The following NFKB1 variants were observed in gnomAD, a reference collection of about 807,000 sequenced individuals.
NFKB1 encodes the protein nuclear factor NF-kappa-B p105 subunit.
Under a neutral mutation model 105.1 loss-of-function variants are expected in NFKB1, and 9 were observed. That is an observed-to-expected ratio of 0.09 (90% CI 0.05 to 0.15). NFKB1 has a LOEUF of 0.15. Among genes scored for constraint, NFKB1 ranks in the 10% least tolerant of loss-of-function variants. The pLI is 1.00. For synonymous variants in NFKB1, 440 were observed against 442.2 expected (o/e 1.00, Z 0.06); for missense variants, 830 against 1,203.7 (o/e 0.69, Z 4.59).
chr4:102,516,446 C>CT (rs1199652345), intron 1 of NFKB1, among the ~76,000 whole-genome samples: 1 of 151,964 alleles, frequency 6.6e-6, no homozygotes, highest in Non-Finnish European at 1.5e-5. Context: ...TTCTTTCTAC[C>CT]TTTTTTTCTC....
chr4:102,517,486 A>G (rs988763313), intron 1 of NFKB1, among the ~76,000 whole-genome samples: 7 of 152,306 alleles, frequency 4.6e-5, no homozygotes, highest in East Asian at 1.9e-4. Context: ...CAAAAAAACC[A>G]GTGTTTTCCA....
At chr4:102,547,420 T>C (rs1015250031) in intron 5 of NFKB1, among the ~76,000 whole-genome samples, 3 of 152,154 alleles carry the variant, frequency 2.0e-5, no homozygotes, top group African/African-American at 7.2e-5. Flanking sequence ...GGGGTGAGGT[T>C]TAGGTGGTTG....
rs80255810 is a variant in NFKB1, at chr4:102,606,996, G to A, written c.1955-154G>A. ...GTTCATGTCTCCTGAGAACATAATA[G>A]GAGACTGTGGGTCTTCAAAGCAGAA... On this transcript the variant is annotated intron_variant, in intron 17 of 23. Transcript: ENST00000226574. Among the ~76,000 whole-genome samples, 981 of 152,298 alleles carry A rather than the reference G, an allele frequency of 6.4e-3. 7 individuals are homozygous for A. The highest frequency in any genetic ancestry group is 0.021 in the African/African-American group (890 of 41,558).
chr4:102,555,119 G>T (rs954038812), intron 5 of NFKB1, among the ~76,000 whole-genome samples: 2 of 152,118 alleles, frequency 1.3e-5, no homozygotes, highest in African/African-American at 2.4e-5. Context: ...CTCAACTTTT[G>T]CTAGGACTTT....
intron 21 of NFKB1, 74 bp downstream of exon 21, chr4:102,612,184 T>C: frequency 7.4e-7 from 1 of 1,347,752 alleles, no homozygotes; most frequent in African/African-American, 1.4e-5. Context: ...GGAACCAGCA[T>C]TATCCAGGGT....
chr4:102,531,190 C>T (rs1741267811), intron 3 of NFKB1, among the ~76,000 whole-genome samples: 2 of 152,082 alleles, frequency 1.3e-5, no homozygotes. Flanking sequence ...AATTTTATTC[C>T]TTCGGATTTA....
chr4:102,593,619 A>G (rs1367794775), intron 12 of NFKB1, 51 bp downstream of exon 12: 2 of 1,548,222 alleles, frequency 1.3e-6, no homozygotes, highest in Non-Finnish European at 8.7e-7. Context: ...GAGAGGGTAG[A>G]ATTTTCTTTT....
intron 16 of NFKB1, among the ~76,000 whole-genome samples, chr4:102,604,257 T>A (rs1727478511): frequency 2.0e-5 from 3 of 152,210 alleles, no homozygotes; most frequent in Non-Finnish European, 4.4e-5. Flanking sequence ...ATATTAAATG[T>A]ACTTCTCTTG....
intron 12 of NFKB1, among the ~76,000 whole-genome samples, chr4:102,594,525 T>C (rs937818215): frequency 1.3e-5 from 2 of 152,294 alleles, no homozygotes; most frequent in South Asian, 2.1e-4. Context: ...CTGTGCTTTG[T>C]TTGATTAAGT....
chr4:102,596,266 G>T lies in NFKB1; in HGVS notation c.1429G>T (p.Val477Phe), dbSNP rs56147914. 1.2e-4 allele frequency: 188 copies of T among 1,613,704 alleles called. 1 individual carries two copies. The African/African-American group carries it at 2.1e-3, about 18-fold the overall frequency. ...AGATCAGGAGCCCAGCGAGGCCACC[G>T]TTGGGAATGGTGAGGTCACTCTAAC... The part of the protein sequence containing the change: ...EQDQEPSEAT[V>F]GNGEVTLTYA... The change falls in exon 14 of 24, where the codon GTT becomes TTT. Residue 477 changes from valine (V) to phenylalanine (F), a missense_variant. Transcript: ENST00000226574.
intron 1 of NFKB1, among the ~76,000 whole-genome samples, chr4:102,502,729 A>G (rs1739170276): frequency 6.6e-6 from 1 of 152,210 alleles, no homozygotes; most frequent in Non-Finnish European, 1.5e-5. Context: ...TTAATTATCA[A>G]GATTGACATG....
At chr4:102,534,762 A>G (rs566572103) in intron 4 of NFKB1, among the ~76,000 whole-genome samples, 1 of 152,302 alleles carries the variant, frequency 6.6e-6, no homozygotes, top group African/African-American at 2.4e-5. Flanking sequence ...ATTACCCAAT[A>G]CATTTTCTAA....
chr4:102,515,314 T>G (rs1372261357), intron 1 of NFKB1, among the ~76,000 whole-genome samples: 1 of 150,580 alleles, frequency 6.6e-6, no homozygotes, highest in Non-Finnish European at 1.5e-5. Context: ...GTTTCACCGT[T>G]TTAGCCGGGA....
At chr4:102,577,074 G>A (rs776627927) in intron 7 of NFKB1, 35 bp downstream of exon 7, 1 of 1,590,182 alleles carries the variant, frequency 6.3e-7, no homozygotes, top group East Asian at 2.2e-5. Flanking sequence ...ATCCTCCAAG[G>A]GGTCCAGGCT....
intron 1 of NFKB1, 105 bp from the exon 2 acceptor site, chr4:102,525,407 C>T (rs1256703964): frequency 1.2e-5 from 12 of 1,023,412 alleles, no homozygotes; most frequent in East Asian, 5.1e-5. Flanking sequence ...TATATTTGGT[C>T]TTACTGGTAT....
chr4:102,585,138 C>T (rs913106321), intron 11 of NFKB1, among the ~76,000 whole-genome samples: 2 of 152,096 alleles, frequency 1.3e-5, no homozygotes, highest in African/African-American at 4.8e-5. Flanking sequence ...AGTCCTCCGG[C>T]CTTGGCCTCC....
At chr4:102,510,337 A>G (rs1283807223) in intron 1 of NFKB1, among the ~76,000 whole-genome samples, 3 of 152,212 alleles carry the variant, frequency 2.0e-5, no homozygotes, top group Non-Finnish European at 2.9e-5. Flanking sequence ...ACCGAACAAG[A>G]TATCAAGAGA....
chr4:102,551,259 A>T (rs1722553018), intron 5 of NFKB1, among the ~76,000 whole-genome samples: 1 of 152,234 alleles, frequency 6.6e-6, no homozygotes, highest in African/African-American at 2.4e-5. Context: ...ATGGCACCAC[A>T]GCCAAGATAC....
chr4:102,613,817 TAATAC>T (rs1560724297), intron 23 of NFKB1, among the ~76,000 whole-genome samples: 1 of 152,190 alleles, frequency 6.6e-6, no homozygotes, highest in Non-Finnish European at 1.5e-5. Flanking sequence ...AAACACTAAA[TAATAC>T]AATAAATACT....
Sources: allele counts gnomAD v4.1 joint callset (sites outside exome capture counted in the v4.1 genomes callset), GRCh38; gene constraint gnomAD v4.1.1; transcripts MANE v1.5; gene names NCBI Gene and HGNC (gene_info 2026-07-23, HGNC 2026-07-21).